Variants in MAP2K5 observed in about 807,000 individuals in gnomAD.
MAP2K5 encodes dual specificity mitogen-activated protein kinase kinase 5.
A neutral mutation model predicts 83.1 loss-of-function variants in MAP2K5; 49 were observed. The observed-to-expected ratio is 0.59, with a 90% CI of 0.47 to 0.75. MAP2K5 has a LOEUF of 0.75. Ranked by LOEUF, MAP2K5 falls within the 30% of genes least tolerant of loss-of-function variation. The probability of loss-of-function intolerance (pLI) is 0.00; values close to 1 mark genes in which losing one functional copy is unlikely to be tolerated. For missense variants in MAP2K5, 457 were observed against 557.5 expected, an observed-to-expected ratio of 0.82 and a Z score of 1.82; for synonymous variants, 202 against 191.8, an observed-to-expected ratio of 1.05 and a Z score of -0.44.
intron 13 of MAP2K5, among the ~76,000 whole-genome samples, chr15:67,666,038 A>G (rs1289375809): frequency 6.6e-6 from 1 of 152,210 alleles, no homozygotes; most frequent in Admixed American, 6.5e-5. Flanking sequence ...TGATTCTTTA[A>G]AAAATGGACA....
chr15:67,782,853 A>AC lies in MAP2K5; in HGVS notation c.1242+10101_1242+10102insC. ...CTCCAAAACAAGCTTTCCTCCCGTC[A>AC]GGGAGGTCAGCAGAGCTTCGGCTGG... On this transcript the variant is annotated intron_variant, in intron 21 of 21. Coordinates refer to ENST00000178640, the MANE Select transcript of MAP2K5 (RefSeq NM_145160.3). This position sits in a 1 kb window ranked among gnomAD's most constrained non-coding sequence, Gnocchi z 4.9. Among the ~76,000 whole-genome samples the AC allele has an allele frequency of 6.6e-6, 1 of 152,352 alleles. No homozygotes were observed. The highest frequency in any genetic ancestry group is 2.1e-4 in the South Asian group (1 of 4,830).
intron 12 of MAP2K5, among the ~76,000 whole-genome samples, chr15:67,664,130 G>A (rs2087309453): frequency 6.6e-6 from 1 of 151,852 alleles, no homozygotes; most frequent in South Asian, 2.1e-4. Context: ...TTTTGCATTT[G>A]GTTTTCCCAC....
At position 67,764,720 on chromosome 15, in the gene MAP2K5, T is replaced by C. The variant is rs1032010103; in HGVS notation, c.1135-4882T>C. ...TTACACAGTATTTTATGTTATGCCT[T>C]ATCAGTGTCTGAATTAACCACCACA... On this transcript the variant is annotated intron_variant, in intron 19 of 21. Transcript: ENST00000178640. This position sits in a 1 kb window ranked among gnomAD's most constrained non-coding sequence, Gnocchi z 4.9. 2.0e-5 allele frequency among the ~76,000 whole-genome samples: 3 copies of C among 152,252 alleles called. No individual in the cohort carries two copies. The highest frequency in any genetic ancestry group is 2.9e-5 in the Non-Finnish European group (2 of 68,046).
chr15:67,546,845 G>A (rs556315046), intron 1 of MAP2K5, among the ~76,000 whole-genome samples: 55 of 151,998 alleles, frequency 3.6e-4, no homozygotes, highest in African/African-American at 1.3e-3. Context: ...TGGGTAGATC[G>A]CTTAAACTCA....
In MAP2K5 at chr15:67,567,893, A is replaced by G. The variant is rs117316850; in HGVS notation, c.252+4543A>G. On this transcript the variant is annotated intron_variant, in intron 3 of 21. Coordinates refer to ENST00000178640, the MANE Select transcript of MAP2K5 (RefSeq NM_145160.3). The stretch of plus-strand genomic sequence containing the variant: ...TTTGTGTTTGTTGTCTGGTAGTTCT[A>G]TGGAGGCCCAGTTCTAGGAGGGGAT... Among the ~76,000 whole-genome samples the G allele has an allele frequency of 6.5e-3, 981 of 151,956 alleles. 8 individuals carry two copies. Among genetic ancestry groups the G allele is most frequent in the Non-Finnish European group, 0.011 (728 of 67,952 alleles).
chr15:67,712,012 C>T (rs1233267509), intron 16 of MAP2K5, among the ~76,000 whole-genome samples: 1 of 152,188 alleles, frequency 6.6e-6, no homozygotes, highest in Non-Finnish European at 1.5e-5. Flanking sequence ...CTGGAGTAAA[C>T]ACCATGGGTG....
chr15:67,547,492 G>A (rs1035320447), intron 1 of MAP2K5, among the ~76,000 whole-genome samples: 1 of 110,042 alleles, frequency 9.1e-6, no homozygotes, highest in Non-Finnish European at 1.8e-5. Context: ...GTCTCGCTTT[G>A]TTGCCCAGGC....
At chr15:67,787,203 C>T (rs914853281) in intron 21 of MAP2K5, among the ~76,000 whole-genome samples, 15 of 152,352 alleles carry the variant, frequency 9.8e-5, no homozygotes, top group East Asian at 9.6e-4. Flanking sequence ...GAAGCTGATT[C>T]GTGCATAGGA....
chr15:67,776,527 A>G (rs931360765), intron 21 of MAP2K5, among the ~76,000 whole-genome samples: 5 of 152,212 alleles, frequency 3.3e-5, no homozygotes, highest in Admixed American at 2.6e-4. Flanking sequence ...TAATGCAAAG[A>G]TGGTAGAGAA....
rs2089670263 is a variant in MAP2K5 at position 67,749,265 on chromosome 15, C to T, written c.1134+664C>T. 6.6e-6 allele frequency among the ~76,000 whole-genome samples: 1 copy of T among 152,184 alleles called. No homozygotes were observed. Among genetic ancestry groups the T allele is most frequent in the Admixed American group, 6.6e-5 (1 of 15,266 alleles). The stretch of plus-strand genomic sequence containing the variant: ...TTTCTCTCTCAATCGACTTTGTCTA[C>T]TTCTTATTCTGACTTTAAATTCCTT... On this transcript the variant is annotated intron_variant, in intron 19 of 21. Coordinates refer to ENST00000178640, the MANE Select transcript of MAP2K5 (RefSeq NM_145160.3). The surrounding 1 kb of genome is among the most constrained non-coding windows in gnomAD (Gnocchi z 4.6).
At chr15:67,714,383 A>C (rs1009304400) in intron 16 of MAP2K5, among the ~76,000 whole-genome samples, 1 of 146,014 alleles carries the variant, frequency 6.8e-6, no homozygotes, top group African/African-American at 2.6e-5. Context: ...TACAGAACTC[A>C]TTTTCCCCCC....
rs2089679996 is a variant in MAP2K5, at chr15:67,749,752, AC to A, written c.1134+1153del. Among the ~76,000 whole-genome samples, 1 of 152,108 alleles carries A rather than the reference AC, an allele frequency of 6.6e-6. No homozygotes were observed. Among genetic ancestry groups the A allele is most frequent in the South Asian group, 2.1e-4 (1 of 4,826 alleles). On this transcript the variant is annotated intron_variant, in intron 19 of 21. Coordinates refer to ENST00000178640, the MANE Select transcript of MAP2K5 (RefSeq NM_145160.3). This position sits in a 1 kb window ranked among gnomAD's most constrained non-coding sequence, Gnocchi z 4.6. ...CTCCATTATCTCAAATATCAGACAG[AC>A]CTCCTGGATCTAATAGCTCATCAAT... is the stretch of plus-strand genomic sequence containing the variant.
At chr15:67,648,083 A>G (rs1013869466) in intron 11 of MAP2K5, among the ~76,000 whole-genome samples, 4 of 152,160 alleles carry the variant, frequency 2.6e-5, no homozygotes, top group African/African-American at 9.7e-5. Flanking sequence ...TATAACTCAG[A>G]TACCATAAAA....
rs888104913 is a variant in MAP2K5, at chr15:67,562,011, G to T, written c.185-1272G>T. ...GAGAGATTTGTCTGAGGTTCTCCAG[G>T]CTTGGGATCAGAACAGTCTTTCTAT... is the stretch of plus-strand genomic sequence containing the variant. On this transcript the variant is annotated intron_variant, in intron 2 of 21. Transcript: ENST00000178640. The surrounding 1 kb of genome is among the most constrained non-coding windows in gnomAD (Gnocchi z 4.1). Among the ~76,000 whole-genome samples, 1 of 152,156 alleles carries T rather than the reference G, an allele frequency of 6.6e-6. No homozygotes were observed. Among genetic ancestry groups the T allele is most frequent in the African/African-American group, 2.4e-5 (1 of 41,430 alleles).
At chr15:67,798,383 C>A (rs1215000627) in intron 21 of MAP2K5, among the ~76,000 whole-genome samples, 3 of 152,224 alleles carry the variant, frequency 2.0e-5, no homozygotes, top group Admixed American at 2.0e-4. Flanking sequence ...TTCTGCCATT[C>A]ACAAGGATCA....
At chr15:67,788,564 G>A (rs2090458850) in intron 21 of MAP2K5, among the ~76,000 whole-genome samples, 1 of 152,170 alleles carries the variant, frequency 6.6e-6, no homozygotes, top group African/African-American at 2.4e-5. Flanking sequence ...TTTGTAAAAA[G>A]GCAAATAAGG....
intron 4 of MAP2K5, among the ~76,000 whole-genome samples, chr15:67,585,140 C>CTT (rs1266887007): frequency 6.6e-6 from 1 of 151,378 alleles, no homozygotes; most frequent in Non-Finnish European, 1.5e-5. Context: ...TTGATGGCCC[C>CTT]TTAACATACA....
At chr15:67,688,461 G>A (rs1296949787) in intron 13 of MAP2K5, among the ~76,000 whole-genome samples, 5 of 152,142 alleles carry the variant, frequency 3.3e-5, no homozygotes, top group African/African-American at 9.7e-5. Flanking sequence ...TGGCAAAAAT[G>A]TTTCCTTGTA....
rs369881311 is a variant in MAP2K5, at chr15:67,769,015, C to T, written c.1135-587C>T. Among the ~76,000 whole-genome samples the T allele has an allele frequency of 1.3e-5, 2 of 152,002 alleles. No individual in the cohort carries two copies. Among genetic ancestry groups the T allele is most frequent in the Non-Finnish European group, 2.9e-5 (2 of 68,018 alleles). On this transcript the variant is annotated intron_variant, in intron 19 of 21. Transcript: ENST00000178640. This position sits in a 1 kb window ranked among gnomAD's most constrained non-coding sequence, Gnocchi z 5.2. ...TTTCATTGTATCCTTAATTCACTGGCTTTCTCATATGAGGAGTCTGCCTAG... is the reference window on the plus strand; with the variant it reads ...TTTCATTGTATCCTTAATTCACTGGTTTTCTCATATGAGGAGTCTGCCTAG...
Sources: gnomAD v4.1 joint callset for allele counts (sites outside exome capture counted in the v4.1 genomes callset) on GRCh38, gnomAD v4.1.1 for gene constraint, Gnocchi (gnomAD v3.1) non-coding constraint, MANE v1.5 for transcripts, NCBI Gene and HGNC (gene_info 2026-07-23, HGNC 2026-07-21) for gene names.